The following MZB1 variants were observed in gnomAD, a reference collection of about 807,000 sequenced individuals.
The protein encoded by MZB1 is marginal zone B and B1 cell specific protein.
MZB1 carries 10 observed loss-of-function variants against 17.2 expected under a neutral mutation model. The observed-to-expected ratio is 0.58, with a 90% CI of 0.36 to 0.98. The LOEUF (loss-of-function observed/expected upper bound fraction) is 0.98, where lower values mean the gene tolerates loss of function less well. MZB1 is among the 50% of genes least tolerant of loss of function. The pLI is 0.01. For synonymous variants in MZB1, 99 were observed against 98.7 expected (o/e 1.00, Z -0.02); for missense variants, 246 against 237.5 (o/e 1.04, Z -0.23).
At chr5:139,388,209 G>T in intron 2 of MZB1, 78 bp from the exon 3 acceptor site, 1 of 1,338,610 alleles carries the variant, frequency 7.5e-7, no homozygotes, top group Non-Finnish European at 1.0e-6. Context: ...ACAGCAAGCT[G>T]GACATGCTGG....
chr5:139,389,381 C>T (rs1220695146), intron 1 of MZB1: 1 of 615,206 alleles, frequency 1.6e-6, no homozygotes, highest in Non-Finnish European at 3.0e-6. Flanking sequence ...CAAAGCCGCC[C>T]CGTCAGGGTT....
Position 139,387,888 on chromosome 5 carries a change from C to A in MZB1, c.447G>T (p.Glu149Asp). 6.3e-7 allele frequency: 1 copy of A among 1,598,498 alleles called. No individual in the cohort carries two copies. Residue 149 changes from glutamate to aspartate, a missense_variant, in exon 4 of 4, where the codon GAG becomes GAT. Transcript: ENST00000302125. The stretch of plus-strand genomic sequence containing the variant: ...CTTCATAGATCTGGTCTTCTCCAAA[C>A]TCCCCCAAGTAGTGCAAACATGTCC... Reference protein sequence around the residue: ...LSRTCLHYLGEFGEDQIYEAH... With the variant: ...LSRTCLHYLGDFGEDQIYEAH...
intron 1 of MZB1, 135 bp from the exon 2 acceptor site, chr5:139,388,720 G>T (rs527500958): frequency 7.1e-7 from 1 of 1,402,022 alleles, no homozygotes; most frequent in Non-Finnish European, 9.5e-7. Context: ...CACCTGTGAG[G>T]CTGTTGCATG....
At position 139,389,382 on chromosome 5, in the gene MZB1, C is replaced by T. The variant is rs115442077; in HGVS notation, c.177+298G>A. ...CATGTACACATAGCCAAAGCCGCCC[C>T]GTCAGGGTTGGGGAGGGAGTCCGGA... On this transcript the variant is annotated intron_variant, in intron 1 of 3. Coordinates refer to ENST00000302125, the MANE Select transcript of MZB1 (RefSeq NM_016459.4). 7.1e-4 allele frequency: 436 copies of T among 617,414 alleles called. 3 individuals carry two copies. Among genetic ancestry groups the T allele is most frequent in the African/African-American group, 6.2e-3 (343 of 55,576 alleles). The allele number at this position is 617,414 out of a possible 1,614,324, so 38.2% of individuals were successfully genotyped here.
chr5:139,388,074 C>T lies in MZB1; in HGVS notation c.360G>A (p.Glu120=). 6.4e-7 allele frequency: 1 copy of T among 1,553,310 alleles called. No individual in the cohort carries two copies. The highest frequency in any genetic ancestry group is 8.7e-7 in the Non-Finnish European group (1 of 1,148,076). Residue 120 remains glutamate (E), a synonymous_variant, in exon 3 of 4, where the codon GAG becomes GAA. Transcript: ENST00000302125. ...TCACGCTGATGCTTGGCTCTGGCCCCTCGCTAAGTCCTGGGCCTGTGAGAC... is the reference window on the plus strand; with the variant it reads ...TCACGCTGATGCTTGGCTCTGGCCCTTCGCTAAGTCCTGGGCCTGTGAGAC... ...VKRLTGPGLS[E]GPEPSISVMV...
At chr5:139,388,157 T>C (rs555255462) in intron 2 of MZB1, 26 bp from the exon 3 acceptor site, 1 of 1,542,940 alleles carries the variant, frequency 6.5e-7, no homozygotes, top group Admixed American at 2.0e-5. Flanking sequence ...AGGAGAGGAG[T>C]ACAGTTTTGG....
At chr5:139,388,366 G>A in intron 2 of MZB1, 95 bp downstream of exon 2, 1 of 1,350,614 alleles carries the variant, frequency 7.4e-7, no homozygotes, top group Non-Finnish European at 1.0e-6. Context: ...GAGTCCTAGA[G>A]GAGTGTGTGT....
In MZB1 at chr5:139,387,730, C is replaced by A; in HGVS notation, c.*35G>T. 1 of 1,493,600 alleles carries A rather than the reference C, an allele frequency of 6.7e-7. No individual in the cohort carries two copies. The highest frequency in any genetic ancestry group is 1.4e-5 in the South Asian group (1 of 70,068). The allele number at this position is 1,493,600 out of a possible 1,614,324, so 92.5% of individuals were successfully genotyped here. A position where few individuals can be genotyped will look rare whatever the true frequency, so the allele number is the denominator to read the frequency against. On this transcript the variant is annotated 3_prime_UTR_variant, in exon 4 of 4. Coordinates refer to ENST00000302125, the MANE Select transcript of MZB1 (RefSeq NM_016459.4). ...CGGGAGTGGAGACCGTCAGAGCAAGCCCCAGCTTCTTTCAGAGGAGGGTAG... is the reference window on the plus strand; with the variant it reads ...CGGGAGTGGAGACCGTCAGAGCAAGACCCAGCTTCTTTCAGAGGAGGGTAG...
chr5:139,388,958 C>T (rs1399907810), intron 1 of MZB1: 1 of 200,766 alleles, frequency 5.0e-6, no homozygotes, highest in East Asian at 1.5e-4. Context: ...GCAGCCTCCA[C>T]CTCCCAGGTT....
chr5:139,388,733 C>T (rs1661013014), intron 1 of MZB1, 148 bp from the exon 2 acceptor site: 3 of 1,328,490 alleles, frequency 2.3e-6, no homozygotes. Flanking sequence ...GTTGCATGGC[C>T]CCTCCCCCAG....
chr5:139,389,639 G>A, intron 1 of MZB1, 41 bp downstream of exon 1: 1 of 1,559,658 alleles, frequency 6.4e-7, no homozygotes, highest in Non-Finnish European at 8.7e-7. Flanking sequence ...GGCTTGAGAA[G>A]GGGTGTGAGC....
intron 1 of MZB1, chr5:139,388,801 G>A (rs953247369): frequency 5.9e-6 from 4 of 675,508 alleles, no homozygotes; most frequent in Non-Finnish European, 9.3e-6. Flanking sequence ...GAAGTGGTAG[G>A]TGAGGCCTGG....
chr5:139,389,217 A>T (rs1313177919), intron 1 of MZB1: 1 of 313,640 alleles, frequency 3.2e-6, no homozygotes, highest in Non-Finnish European at 6.3e-6. Flanking sequence ...GAAAAACTGG[A>T]GCCCAATATT....
Position 139,388,560 on chromosome 5 carries a change from T to C in MZB1, c.203A>G (p.Glu68Gly). 1 of 1,602,092 alleles carries C rather than the reference T, an allele frequency of 6.2e-7. No individual in the cohort carries two copies. Among genetic ancestry groups the C allele is most frequent in the Non-Finnish European group, 8.5e-7 (1 of 1,174,312 alleles). Residue 68 changes from glutamate to glycine, a missense_variant, in exon 2 of 4, where the codon GAG becomes GGG. Glu to Gly is a moderately conservative substitution (Grantham distance 98). Coordinates refer to ENST00000302125, the MANE Select transcript of MZB1 (RefSeq NM_016459.4). The part of the protein sequence containing the change: ...YQMWQNLAKA[E>G]TKLHTSNSGG... Reference sequence around the variant, plus strand: ...AGAGTTTGAGGTATGAAGTTTGGTCTCTGCCTTTGCCAGATTTTGCCACAT... The same window carrying C: ...AGAGTTTGAGGTATGAAGTTTGGTCCCTGCCTTTGCCAGATTTTGCCACAT...
Position 139,388,541 on chromosome 5 carries a change from T to G in MZB1, c.222A>C (p.Ser74=). ...TCAGCTCCCGCCGCCCCCCAGAGTTTGAGGTATGAAGTTTGGTCTCTGCCT... is the reference window on the plus strand; with the variant it reads ...TCAGCTCCCGCCGCCCCCCAGAGTTGGAGGTATGAAGTTTGGTCTCTGCCT... ...LAKAETKLHT[S]NSGGRRELSE... Residue 74 remains serine (S), a synonymous_variant, in exon 2 of 4, where the codon TCA becomes TCC. Coordinates refer to ENST00000302125, the MANE Select transcript of MZB1 (RefSeq NM_016459.4). The G allele has an allele frequency of 6.2e-7, 1 of 1,601,384 alleles. No homozygotes were observed. Among genetic ancestry groups the G allele is most frequent in the Non-Finnish European group, 8.5e-7 (1 of 1,174,008 alleles).
chr5:139,388,882 A>G, intron 1 of MZB1: 1 of 256,712 alleles, frequency 3.9e-6, no homozygotes. Context: ...TTATTTATTT[A>G]TTTAGAGAGA....
At position 139,387,682 on chromosome 5, in the gene MZB1, C is replaced by A. The variant is rs188310403; in HGVS notation, c.*83G>T. Reference sequence around the variant, plus strand: ...GATGGCAGCACAGAGCAAGGGCTTCCTGCCCTCCTGGCTGCCTGCAGACGG... The same window carrying A: ...GATGGCAGCACAGAGCAAGGGCTTCATGCCCTCCTGGCTGCCTGCAGACGG... On this transcript the variant is annotated 3_prime_UTR_variant, in exon 4 of 4. Transcript: ENST00000302125. 2.1e-6 allele frequency: 3 copies of A among 1,455,482 alleles called. 1 individual carries two copies. The highest frequency in any genetic ancestry group is 1.8e-6 in the Non-Finnish European group (2 of 1,103,840). 90.2% of individuals were successfully genotyped at this position (1,455,482 alleles called of 1,614,324 possible).
Position 139,388,008 on chromosome 5 carries a change from C to A in MZB1, c.413+13G>T. 6.4e-7 allele frequency: 1 copy of A among 1,565,282 alleles called. No homozygotes were observed. Among genetic ancestry groups the A allele is most frequent in the Non-Finnish European group, 8.7e-7 (1 of 1,154,968 alleles). Reference sequence around the variant, plus strand: ...CCAGGAGCTTCATCCTATCCCCAAGCCCCGGGCATCACCTGGTAGGCCAGG... The same window carrying A: ...CCAGGAGCTTCATCCTATCCCCAAGACCCGGGCATCACCTGGTAGGCCAGG... On this transcript the variant is annotated intron_variant, in intron 3 of 3. Transcript: ENST00000302125.
chr5:139,388,899 C>T (rs1423266532), intron 1 of MZB1: 3 of 224,126 alleles, frequency 1.3e-5, no homozygotes, highest in South Asian at 1.3e-4. Flanking sequence ...GAGAGTCTCA[C>T]GCCGTTCGTC....
Sources: gnomAD v4.1 joint callset for allele counts on GRCh38, gnomAD v4.1.1 for gene constraint, MANE v1.5 for transcripts, NCBI Gene and HGNC (gene_info 2026-07-23, HGNC 2026-07-21) for gene names.